NCALD: variants seen among roughly 807,000 people sequenced by gnomAD.
The protein encoded by NCALD is neurocalcin-delta.
Under a neutral mutation model 18.6 loss-of-function variants are expected in NCALD, and 10 were observed. The ratio of observed to expected loss-of-function variants is 0.54; its 90% CI spans 0.33 to 0.91. The LOEUF is 0.91. NCALD is among the 40% of genes least tolerant of loss of function. NCALD has a pLI of 0.03. For missense variants in NCALD, 184 were observed against 247.6 expected, an observed-to-expected ratio of 0.74 and a Z score of 1.72; for synonymous variants, 88 against 87.4, an observed-to-expected ratio of 1.01 and a Z score of -0.04.
At chr8:102,000,508 G>A (rs1821413648) in intron 2 of NCALD, among the ~76,000 whole-genome samples, 1 of 152,224 alleles carries the variant, frequency 6.6e-6, no homozygotes, top group South Asian at 2.1e-4. Flanking sequence ...AAATGTCCCT[G>A]TCTGACAGCT....
At chr8:102,008,894 C>G (rs1237653830) in intron 2 of NCALD, among the ~76,000 whole-genome samples, 1 of 146,346 alleles carries the variant, frequency 6.8e-6, no homozygotes, top group Non-Finnish European at 1.5e-5. Context: ...CAGCTACCAC[C>G]CCCACCTCCA....
chr8:101,913,908 T>C (rs561569214), intron 3 of NCALD, among the ~76,000 whole-genome samples: 2 of 152,312 alleles, frequency 1.3e-5, no homozygotes, highest in East Asian at 3.9e-4. Context: ...AAATAAATGG[T>C]TTATTTTCAA....
chr8:101,973,556 C>T (rs1435185878), intron 2 of NCALD, among the ~76,000 whole-genome samples: 2 of 152,136 alleles, frequency 1.3e-5, no homozygotes, highest in South Asian at 2.1e-4. Flanking sequence ...CAACTGGTAT[C>T]CACAAAGAAC....
intron 1 of NCALD, chr8:102,123,979 C>A (rs1826029236): frequency 6.6e-6 from 1 of 152,664 alleles, no homozygotes; most frequent in Non-Finnish European, 1.5e-5. Flanking sequence ...CGCCCACCCT[C>A]AAGGTCTGTA....
intron 2 of NCALD, among the ~76,000 whole-genome samples, chr8:102,004,081 G>A (rs1188577240): frequency 2.0e-5 from 3 of 151,254 alleles, no homozygotes; most frequent in African/African-American, 2.4e-5. Flanking sequence ...AAAAGAGGAA[G>A]TCAAATTGTC....
intron 1 of NCALD, among the ~76,000 whole-genome samples, chr8:102,055,440 T>G (rs1823618748): frequency 6.6e-6 from 1 of 152,192 alleles, no homozygotes; most frequent in Non-Finnish European, 1.5e-5. Flanking sequence ...GAACAGTGTC[T>G]TCATATAAGT....
chr8:101,886,833 C>G (rs1816693556), intron 4 of NCALD, among the ~76,000 whole-genome samples: 1 of 152,138 alleles, frequency 6.6e-6, no homozygotes, highest in East Asian at 1.9e-4. Context: ...GGTTTTTACT[C>G]CATTATCATA....
chr8:102,094,946 G>GC (rs1261624845), intron 1 of NCALD, among the ~76,000 whole-genome samples: 2 of 152,206 alleles, frequency 1.3e-5, no homozygotes, highest in Non-Finnish European at 2.9e-5. Flanking sequence ...AGGGAACAGG[G>GC]CCCAGCTGGC....
intron 1 of NCALD, among the ~76,000 whole-genome samples, chr8:102,047,361 T>C (rs1375352154): frequency 6.6e-6 from 1 of 152,244 alleles, no homozygotes; most frequent in Non-Finnish European, 1.5e-5. Flanking sequence ...TCTTGGCTTA[T>C]GAATTTCCAA....
chr8:101,875,403 A>G (rs62518466), intron 4 of NCALD, among the ~76,000 whole-genome samples: 1 of 152,214 alleles, frequency 6.6e-6, no homozygotes, highest in Non-Finnish European at 1.5e-5. Context: ...CTTCTCAAGA[A>G]TAGGCCCCCT....
At chr8:101,985,328 C>G (rs954802246) in intron 2 of NCALD, among the ~76,000 whole-genome samples, 2 of 152,168 alleles carry the variant, frequency 1.3e-5, no homozygotes, top group African/African-American at 4.8e-5. Flanking sequence ...GTATGCAGAA[C>G]AGACCTGAGC....
chr8:102,101,225 C>T (rs961364044), intron 1 of NCALD, among the ~76,000 whole-genome samples: 1 of 152,178 alleles, frequency 6.6e-6, no homozygotes, highest in Non-Finnish European at 1.5e-5. Context: ...CTCAGCTCTC[C>T]AATTGCTGTC....
Position 101,688,890 on chromosome 8 carries a change from G to A in NCALD, c.*419C>T, listed in dbSNP as rs1223835578. 2.2e-5 allele frequency: 14 copies of A among 625,874 alleles called. No homozygotes were observed. The highest frequency in any genetic ancestry group is 1.0e-4 in the Admixed American group (4 of 38,742). 38.8% of individuals were successfully genotyped at this position (625,874 alleles called of 1,614,324 possible). A position where few individuals can be genotyped will look rare whatever the true frequency, so the allele number is the denominator to read the frequency against. On this transcript the variant is annotated 3_prime_UTR_variant, in exon 4 of 4. Coordinates refer to ENST00000220931, the MANE Select transcript of NCALD (RefSeq NM_032041.3). ...ATCCGGTGCCATCCATCACCCCTAC[G>A]GCACGTGTGACAACAGATTCAGGTG...
chr8:101,999,549 T>C (rs562478857), intron 2 of NCALD, among the ~76,000 whole-genome samples: 2 of 152,272 alleles, frequency 1.3e-5, no homozygotes, highest in East Asian at 3.9e-4. Flanking sequence ...AATAAAAGAC[T>C]ACACCTTGGG....
At chr8:101,865,594 CCTCT>C (rs1050599687) in intron 4 of NCALD, among the ~76,000 whole-genome samples, 3 of 151,008 alleles carry the variant, frequency 2.0e-5, no homozygotes, top group Non-Finnish European at 3.0e-5. Context: ...TTCCCTTTCT[CCTCT>C]CTCTCTCTTT....
intron 1 of NCALD, among the ~76,000 whole-genome samples, chr8:102,081,246 ACT>A (rs1469549411): frequency 2.0e-5 from 3 of 152,210 alleles, no homozygotes; most frequent in Admixed American, 6.5e-5. Flanking sequence ...TAGAAAACGT[ACT>A]GTTTATCATA....
chr8:101,921,293 T>C, intron 2 of NCALD, among the ~76,000 whole-genome samples: 1 of 152,068 alleles, frequency 6.6e-6, no homozygotes, highest in South Asian at 2.1e-4. Flanking sequence ...TATTATTGAA[T>C]TCTTAAATAT....
At chr8:101,910,427 C>T (rs1817754984) in intron 3 of NCALD, among the ~76,000 whole-genome samples, 1 of 139,076 alleles carries the variant, frequency 7.2e-6, no homozygotes, top group Non-Finnish European at 1.5e-5. Context: ...GGACACAGGG[C>T]CCCAAGAATA....
intron 1 of NCALD, among the ~76,000 whole-genome samples, chr8:101,789,340 G>A (rs1586510470): frequency 6.6e-6 from 1 of 152,126 alleles, no homozygotes; most frequent in East Asian, 1.9e-4. Flanking sequence ...CTCAGTAGAT[G>A]TGCCTGGAAT....
Sources: gnomAD v4.1 joint callset for allele counts (sites outside exome capture counted in the v4.1 genomes callset) on GRCh38, gnomAD v4.1.1 for gene constraint, MANE v1.5 for transcripts, NCBI Gene and HGNC (gene_info 2026-07-23, HGNC 2026-07-21) for gene names.